Variants in EPHB1 observed in about 807,000 individuals in gnomAD.
EPHB1 encodes the protein EPH receptor B1, also known as ephrin type-B receptor 1.
Under a neutral mutation model 94.4 loss-of-function variants are expected in EPHB1, and 30 were observed. The ratio of observed to expected loss-of-function variants is 0.32; its 90% confidence interval spans 0.24 to 0.43. The LOEUF (loss-of-function observed/expected upper bound fraction) is 0.43, where lower values mean the gene tolerates loss of function less well. EPHB1 is among the 20% of genes least tolerant of loss of function. The pLI is 1.00. For synonymous variants in EPHB1, 522 were observed against 489.1 expected (o/e 1.07, Z -0.89); for missense variants, 1,055 against 1,308.3 (o/e 0.81, Z 2.99).
intron 2 of EPHB1, among the ~76,000 whole-genome samples, chr3:134,936,559 G>C (rs1419326670): frequency 6.6e-6 from 1 of 152,084 alleles, no homozygotes; most frequent in Non-Finnish European, 1.5e-5. Context: ...CAGTGTCAGT[G>C]GGGCTGAACG....
intron 1 of EPHB1, among the ~76,000 whole-genome samples, chr3:134,859,905 T>C (rs1051949445): frequency 6.6e-6 from 1 of 152,214 alleles, no homozygotes; most frequent in African/African-American, 2.4e-5. Flanking sequence ...ATCTTTTCTT[T>C]GCTTTACATA....
At chr3:134,870,656 G>C (rs868239819) in intron 1 of EPHB1, among the ~76,000 whole-genome samples, 6 of 152,364 alleles carry the variant, frequency 3.9e-5, no homozygotes, top group South Asian at 2.1e-4. Flanking sequence ...GTGACATGCT[G>C]GGACAACCTA....
At chr3:135,188,472 G>A (rs1276840080) in intron 10 of EPHB1, among the ~76,000 whole-genome samples, 1 of 152,120 alleles carries the variant, frequency 6.6e-6, no homozygotes, top group African/African-American at 2.4e-5. Flanking sequence ...TCCAGCCTGG[G>A]CGACATAGCA....
At chr3:135,125,303 G>A (rs941339070) in intron 4 of EPHB1, among the ~76,000 whole-genome samples, 1 of 151,606 alleles carries the variant, frequency 6.6e-6, no homozygotes, top group African/African-American at 2.4e-5. Flanking sequence ...TTATTATGAT[G>A]CCTGACATAG....
chr3:135,035,210 C>G (rs1936607914), intron 3 of EPHB1, among the ~76,000 whole-genome samples: 1 of 152,232 alleles, frequency 6.6e-6, no homozygotes, highest in African/African-American at 2.4e-5. Flanking sequence ...TCCCCTACTT[C>G]CTTCTCCTGT....
chr3:135,009,721 A>G (rs1334343343), intron 3 of EPHB1, among the ~76,000 whole-genome samples: 1 of 152,238 alleles, frequency 6.6e-6, no homozygotes. Flanking sequence ...TAGGCAGCTT[A>G]TCACCCAATT....
chr3:135,252,721 G>T (rs200983022), intron 15 of EPHB1, among the ~76,000 whole-genome samples: 18 of 141,378 alleles, frequency 1.3e-4, no homozygotes, highest in Admixed American at 9.9e-4. Context: ...AGTCCTTTGG[G>T]TATATACCCA....
At chr3:135,067,939 A>T (rs769784021) in intron 3 of EPHB1, 1 of 152,206 alleles carries the variant, frequency 6.6e-6, no homozygotes, top group African/African-American at 2.4e-5. Flanking sequence ...ATCTTCTCCC[A>T]TAAGCTAGAC....
At chr3:135,053,332 CT>C (rs977033217) in intron 3 of EPHB1, among the ~76,000 whole-genome samples, 5 of 151,848 alleles carry the variant, frequency 3.3e-5, no homozygotes, top group Non-Finnish European at 7.4e-5. Context: ...ATATATTATT[CT>C]TTTTAAAAAG....
At chr3:135,034,539 T>C (rs979007096) in intron 3 of EPHB1, among the ~76,000 whole-genome samples, 3 of 152,194 alleles carry the variant, frequency 2.0e-5, no homozygotes, top group African/African-American at 7.2e-5. Flanking sequence ...TGGGGGAGGA[T>C]TAGAGGCTGA....
chr3:134,835,281 G>T (rs1306458323), intron 1 of EPHB1, among the ~76,000 whole-genome samples: 1 of 152,252 alleles, frequency 6.6e-6, no homozygotes, highest in Non-Finnish European at 1.5e-5. Context: ...TTCCATCCCA[G>T]TGGGACTGGA....
chr3:134,851,908 G>A (rs2036993379), intron 1 of EPHB1, among the ~76,000 whole-genome samples: 1 of 152,114 alleles, frequency 6.6e-6, no homozygotes. Context: ...CCAGGCCCTG[G>A]AGGCCTGGTG....
intron 3 of EPHB1, among the ~76,000 whole-genome samples, chr3:134,989,507 A>ACACG (rs1934718499): frequency 6.6e-6 from 1 of 151,972 alleles, no homozygotes; most frequent in South Asian, 2.1e-4. Context: ...GCACACACAC[A>ACACG]CACACACACA....
At chr3:135,059,184 C>T (rs1375630497) in intron 3 of EPHB1, among the ~76,000 whole-genome samples, 2 of 152,182 alleles carry the variant, frequency 1.3e-5, no homozygotes, top group African/African-American at 2.4e-5. Flanking sequence ...AACTTATGTT[C>T]CCCTTCTCAA....
chr3:135,121,799 CAA>C (rs771921687), intron 4 of EPHB1, among the ~76,000 whole-genome samples: 4 of 151,592 alleles, frequency 2.6e-5, no homozygotes, highest in Admixed American at 6.6e-5. Context: ...GTGTTCTGCA[CAA>C]AGTCTTTTTT....
chr3:134,980,732 A>G (rs1446071601), intron 3 of EPHB1, among the ~76,000 whole-genome samples: 2 of 152,180 alleles, frequency 1.3e-5, no homozygotes, highest in Non-Finnish European at 2.9e-5. Context: ...CTGAGGATAA[A>G]TACTCAAGGC....
intron 6 of EPHB1, among the ~76,000 whole-genome samples, chr3:135,159,321 G>T (rs1941447028): frequency 6.6e-6 from 1 of 152,216 alleles, no homozygotes; most frequent in Non-Finnish European, 1.5e-5. Context: ...GGACTATAAA[G>T]TGATTATGGA....
In EPHB1 at chr3:134,866,573, C is replaced by T. The variant is rs145430526; in HGVS notation, c.59-59243C>T. Among the ~76,000 whole-genome samples the T allele has an allele frequency of 3.6e-3, 554 of 152,266 alleles. 8 individuals carry two copies. The highest frequency in any genetic ancestry group is 0.035 in the East Asian group (179 of 5,172). ...CTGCTGGAGTGGGGGTATGGGGACA[C>T]CTGGGAATAGGGCCTGGTCTGTCCA... On this transcript the variant is annotated intron_variant, in intron 1 of 15. Transcript: ENST00000398015.
At chr3:135,211,690 T>A (rs1425822823) in intron 12 of EPHB1, among the ~76,000 whole-genome samples, 1 of 152,240 alleles carries the variant, frequency 6.6e-6, no homozygotes, top group Non-Finnish European at 1.5e-5. Flanking sequence ...TACATATATA[T>A]AAGTATGCAC....
Sources: allele counts gnomAD v4.1 joint callset (sites outside exome capture counted in the v4.1 genomes callset), GRCh38; gene constraint gnomAD v4.1.1; transcripts MANE v1.5; gene names NCBI Gene and HGNC (gene_info 2026-07-23, HGNC 2026-07-21).